Variants in ACP4 observed in about 807,000 individuals in gnomAD.
ACP4 encodes the protein testicular acid phosphatase.
ACP4 carries 49 observed loss-of-function variants against 47.3 expected under a neutral mutation model. The observed-to-expected ratio is 1.04, with a 90% CI of 0.82 to 1.32. The LOEUF (loss-of-function observed/expected upper bound fraction) is 1.32, where lower values mean the gene tolerates loss of function less well. Ranked by LOEUF, ACP4 falls within the 40% of genes most tolerant of loss-of-function variation. The probability of loss-of-function intolerance (pLI) is 0.00; values close to 1 mark genes in which losing one functional copy is unlikely to be tolerated. For synonymous variants in ACP4, 299 were observed against 265.3 expected (o/e 1.13, Z -1.23); for missense variants, 594 against 579.3 (o/e 1.03, Z -0.26).
rs757781033 is a variant in ACP4, at chr19:50,792,250, G to C, written c.558G>C (p.Leu186=). Residue 186 remains leucine (L), a synonymous_variant, in exon 6 of 11, where the codon CTG becomes CTC. Transcript: ENST00000270593. ...QEALEGWTGF[L]SRLENFTGLS... Reference sequence around the variant, plus strand: ...CAGCCCCGCGCATCCAGGGCTTCCTGAGTCGCCTGGAGAACTTCACGGGAC... The same window carrying C: ...CAGCCCCGCGCATCCAGGGCTTCCTCAGTCGCCTGGAGAACTTCACGGGAC... 1.2e-6 allele frequency: 2 copies of C among 1,613,280 alleles called. No individual in the cohort carries two copies. Among genetic ancestry groups the C allele is most frequent in the Non-Finnish European group, 1.7e-6 (2 of 1,179,992 alleles).
chr19:50,790,925 C>T (rs909307758), intron 3 of ACP4, 65 bp downstream of exon 3: 41 of 1,452,838 alleles, frequency 2.8e-5, no homozygotes, highest in East Asian at 1.0e-4. Context: ...CTGACTACAA[C>T]GCTCTCTTTG....
At chr19:50,794,689 G>A in intron 9 of ACP4, 97 bp from the exon 10 acceptor site, 4 of 1,586,646 alleles carry the variant, frequency 2.5e-6, no homozygotes, top group Non-Finnish European at 3.4e-6. Flanking sequence ...ATGGGATGAT[G>A]CTGGGAGGAT....
In ACP4 at chr19:50,793,941, C is replaced by T; in HGVS notation, c.832C>T (p.Leu278=). ...CTTCTCCCGGGTCCAGCGCCTGGGG[C>T]TGCCCCTCAAGATGGTCATGTACTC... ...ANFSRVQRLG[L]PLKMVMYSAH... Residue 278 remains leucine (L), a synonymous_variant, in exon 8 of 11, where the codon CTG becomes TTG. Transcript: ENST00000270593. 1.2e-6 allele frequency: 2 copies of T among 1,614,110 alleles called. No homozygotes were observed. Among genetic ancestry groups the T allele is most frequent in the Non-Finnish European group, 1.7e-6 (2 of 1,180,034 alleles).
chr19:50,793,847 C>T, intron 7 of ACP4, 31 bp downstream of exon 7: 1 of 1,614,092 alleles, frequency 6.2e-7, no homozygotes. Context: ...GCTGGGGTGC[C>T]TTCCTCTGGG....
In ACP4 at chr19:50,795,181, C is replaced by T; in HGVS notation, c.*23C>T. 1 of 1,516,456 alleles carries T rather than the reference C, an allele frequency of 6.6e-7. No individual in the cohort carries two copies. The highest frequency in any genetic ancestry group is 8.8e-7 in the Non-Finnish European group (1 of 1,133,010). 93.9% of individuals were successfully genotyped at this position (1,516,456 alleles called of 1,614,324 possible). A position where few individuals can be genotyped will look rare whatever the true frequency, so the allele number is the denominator to read the frequency against. ...TGAGCCAGAAACCAGGGCTTCCCTA[C>T]CCCCAGCTGACACTGGACCCCAACA... On this transcript the variant is annotated 3_prime_UTR_variant, in exon 11 of 11. Transcript: ENST00000270593.
At position 50,792,322 on chromosome 19, in the gene ACP4, C is replaced by T. The variant is rs758526234; in HGVS notation, c.630C>T (p.Asp210=). 1 of 1,613,336 alleles carries T rather than the reference C, an allele frequency of 6.2e-7. No homozygotes were observed. Among genetic ancestry groups the T allele is most frequent in the South Asian group, 1.1e-5 (1 of 91,086 alleles). ...EPLRRAWKVL[D]TLMCQQAHGL... Reference sequence around the variant, plus strand: ...TGCGCAGGGCATGGAAGGTTCTGGACACCCTCATGTGCCAGGTGAGCCCTG... The same window carrying T: ...TGCGCAGGGCATGGAAGGTTCTGGATACCCTCATGTGCCAGGTGAGCCCTG... The change falls in exon 6 of 11, where the codon GAC becomes GAT. Residue 210 remains aspartate (D), a synonymous_variant. Transcript: ENST00000270593.
chr19:50,791,925 C>G, intron 4 of ACP4, 123 bp downstream of exon 4: 1 of 1,460,258 alleles, frequency 6.8e-7, no homozygotes, highest in African/African-American at 1.4e-5. Context: ...CTGTCCAGAC[C>G]AGGGTGAGCC....
Position 50,790,456 on chromosome 19 carries a change from CCTG to C in ACP4, c.58_60del (p.Leu20del), listed in dbSNP as rs750637211. The C allele has an allele frequency of 2.2e-3, 3,401 of 1,523,522 alleles. 31 individuals carry two copies. The African/African-American group carries it at 0.028, about 12-fold the overall frequency. The allele number at this position is 1,523,522 out of a possible 1,614,324, so 94.4% of individuals were successfully genotyped here. ...TTTGGGGCCACCCTGCTGGACCTCT[CCTG>C]CTGCTGCTGCTGCTGGTGCTGCCAC... On this transcript the variant is annotated inframe_deletion, in exon 1 of 11. Transcript: ENST00000270593.
chr19:50,791,829 G>A (rs372488859), intron 4 of ACP4, 27 bp downstream of exon 4: 7 of 1,566,810 alleles, frequency 4.5e-6, no homozygotes, highest in East Asian at 2.3e-5. Flanking sequence ...CACGTGTGGC[G>A]AGGGAGGGAG....
chr19:50,792,059 T>C lies in ACP4; in HGVS notation c.451-14T>C. 1 of 1,562,548 alleles carries C rather than the reference T, an allele frequency of 6.4e-7. No homozygotes were observed. Among genetic ancestry groups the C allele is most frequent in the Middle Eastern group, 2.3e-4 (1 of 4,414 alleles). ...GGCACACGGCTGTCCTCTCTGAGAC[T>C]CAGTTTTCCCCAGCTGCTGAGGTTC... On this transcript the variant is annotated splice_polypyrimidine_tract_variant and intron_variant, in intron 4 of 10. Coordinates refer to ENST00000270593, the MANE Select transcript of ACP4 (RefSeq NM_033068.3).
rs775531681 is a variant in ACP4, at chr19:50,794,592, T to A, written c.986+11T>A. 1.9e-6 allele frequency: 3 copies of A among 1,613,782 alleles called. No homozygotes were observed. The highest frequency in any genetic ancestry group is 4.5e-5 in the East Asian group (2 of 44,884). On this transcript the variant is annotated intron_variant, in intron 9 of 10. Transcript: ENST00000270593. ...CGCCAAAGATGGAGGGTGAGAATGG[T>A]TTGGTGCCCAGGGACATGGGTGGGA...
intron 8 of ACP4, 74 bp from the exon 9 acceptor site, chr19:50,794,383 G>C (rs938444474): frequency 1.9e-6 from 3 of 1,576,602 alleles, no homozygotes; most frequent in Admixed American, 3.6e-5. Flanking sequence ...GGGACATCTG[G>C]ATGCGCAAGT....
intron 4 of ACP4, 35 bp from the exon 5 acceptor site, chr19:50,792,038 C>T (rs1256884269): frequency 9.7e-6 from 15 of 1,540,382 alleles, no homozygotes; most frequent in Non-Finnish European, 1.3e-5. Context: ...AGGCAAGGCA[C>T]ACGGCTGTCC....
In ACP4 at chr19:50,793,843, G is replaced by T. The variant is rs775072153; in HGVS notation, c.778+27G>T. On this transcript the variant is annotated intron_variant, in intron 7 of 10. Transcript: ENST00000270593. ...TGAGGTGTGGGTCTGGGAGGCTGGG[G>T]TGCCTTCCTCTGGGAGAGTCTAAGC... is the stretch of plus-strand genomic sequence containing the variant. 78 of 1,613,990 alleles carry T rather than the reference G, an allele frequency of 4.8e-5. No homozygotes were observed. In the South Asian group the frequency reaches 8.5e-4, roughly 17 times the overall value.
In ACP4 at chr19:50,793,737, T is replaced by C. The variant is rs750759010; in HGVS notation, c.699T>C (p.Thr233=). 1.9e-6 allele frequency: 3 copies of C among 1,613,810 alleles called. No individual in the cohort carries two copies. Among genetic ancestry groups the C allele is most frequent in the South Asian group, 1.1e-5 (1 of 91,088 alleles). ...GGGCCTCCCCAGATGTCCTGCGGAC[T>C]CTTGCCCAGATCTCGGCTTTGGATA... is the stretch of plus-strand genomic sequence containing the variant. The part of the protein sequence containing the change: ...PAWASPDVLR[T]LAQISALDIG... Residue 233 remains threonine (T), a synonymous_variant, in exon 7 of 11, where the codon ACT becomes ACC. Coordinates refer to ENST00000270593, the MANE Select transcript of ACP4 (RefSeq NM_033068.3).
intron 6 of ACP4, chr19:50,792,549 A>C (rs1451596230): frequency 3.4e-6 from 2 of 581,582 alleles, no homozygotes; most frequent in Non-Finnish European, 6.1e-6. Flanking sequence ...TGCTTACAAT[A>C]GTGCCTGGTG....
At chr19:50,790,559 C>T in intron 1 of ACP4, 34 bp downstream of exon 1, 4 of 1,540,606 alleles carry the variant, frequency 2.6e-6, no homozygotes, top group Non-Finnish European at 3.5e-6. Flanking sequence ...GCCCTTAGCT[C>T]CCCCAGGGCT....
At chr19:50,790,914 A>G in intron 3 of ACP4, 54 bp downstream of exon 3, 3 of 1,477,866 alleles carry the variant, frequency 2.0e-6, no homozygotes, top group Non-Finnish European at 1.8e-6. Flanking sequence ...TGTGACCTCC[A>G]CTGACTACAA....
chr19:50,793,931 G>T lies in ACP4; in HGVS notation c.822G>T (p.Gln274His). The T allele has an allele frequency of 6.2e-7, 1 of 1,614,124 alleles. No homozygotes were observed. The highest frequency in any genetic ancestry group is 8.5e-7 in the Non-Finnish European group (1 of 1,180,034). The stretch of plus-strand genomic sequence containing the variant: ...TCCTTGCAAACTTCTCCCGGGTCCA[G>T]CGCCTGGGGCTGCCCCTCAAGATGG... Reference protein sequence around the residue: ...NAILANFSRVQRLGLPLKMVM... With the variant: ...NAILANFSRVHRLGLPLKMVM... Residue 274 changes from glutamine (Q) to histidine (H), a missense_variant, in exon 8 of 11, where the codon CAG (glutamine) becomes CAT (histidine). Coordinates refer to ENST00000270593, the MANE Select transcript of ACP4 (RefSeq NM_033068.3).
Sources: allele counts gnomAD v4.1 joint callset, GRCh38; gene constraint gnomAD v4.1.1; transcripts MANE v1.5; gene names NCBI Gene and HGNC (gene_info 2026-07-23, HGNC 2026-07-21).